The following NRXN1 variants were observed in gnomAD, a reference collection of about 807,000 sequenced individuals.
NRXN1 encodes neurexin-1.
NRXN1 carries 39 observed loss-of-function variants against 150.9 expected under a neutral mutation model. The observed-to-expected ratio is 0.26, with a 90% CI of 0.20 to 0.34. The LOEUF (loss-of-function observed/expected upper bound fraction) is 0.34. NRXN1 is among the 10% of genes least tolerant of loss of function. The pLI is 1.00. For missense variants in NRXN1, 1,815 were observed against 1,949.9 expected (o/e 0.93, Z 1.30); for synonymous variants, 924 against 757.0 (o/e 1.22, Z -3.62).
intron 17 of NRXN1, among the ~76,000 whole-genome samples, chr2:50,310,472 A>G (rs925948911): frequency 6.6e-6 from 1 of 152,152 alleles, no homozygotes; most frequent in African/African-American, 2.4e-5. Flanking sequence ...CTACTTTGTG[A>G]AGTGATATTT....
At chr2:50,090,480 T>C (rs1343981629) in intron 19 of NRXN1, among the ~76,000 whole-genome samples, 1 of 152,128 alleles carries the variant, frequency 6.6e-6, no homozygotes, top group South Asian at 2.1e-4. Flanking sequence ...GACTGATGCT[T>C]TTAGTAATAG....
chr2:50,697,171 G>A (rs1018741890), intron 5 of NRXN1, among the ~76,000 whole-genome samples: 1 of 152,102 alleles, frequency 6.6e-6, no homozygotes, highest in African/African-American at 2.4e-5. Flanking sequence ...ACTTTACAGG[G>A]AATATTTTGC....
At chr2:50,079,899 G>C (rs149004516) in intron 19 of NRXN1, among the ~76,000 whole-genome samples, 1 of 152,176 alleles carries the variant, frequency 6.6e-6, no homozygotes, top group African/African-American at 2.4e-5. Context: ...TTATTCTACA[G>C]TTTCAGTTAC....
chr2:50,145,715 T>C (rs1707919654), intron 18 of NRXN1, among the ~76,000 whole-genome samples: 1 of 151,818 alleles, frequency 6.6e-6, no homozygotes, highest in Middle Eastern at 3.4e-3. Context: ...TTTCCTTTAA[T>C]ACATCTTGGA....
intron 18 of NRXN1, among the ~76,000 whole-genome samples, chr2:50,149,502 T>A (rs2058574695): frequency 6.6e-6 from 1 of 151,730 alleles, no homozygotes; most frequent in African/African-American, 2.4e-5. Context: ...CTAGTGTCAA[T>A]GTGACTATGA....
chr2:49,980,728 T>G (rs1679856874), intron 21 of NRXN1, among the ~76,000 whole-genome samples: 1 of 152,162 alleles, frequency 6.6e-6, no homozygotes, highest in South Asian at 2.1e-4. Context: ...CTACCTCCAC[T>G]GCTGCAATTA....
intron 8 of NRXN1, among the ~76,000 whole-genome samples, chr2:50,578,994 A>G (rs191635649): frequency 3.8e-4 from 58 of 152,200 alleles, no homozygotes; most frequent in African/African-American, 1.3e-3. Flanking sequence ...TGCAGCACAC[A>G]TTTCATTTTC....
chr2:50,293,326 A>C (rs2073169432), intron 17 of NRXN1, among the ~76,000 whole-genome samples: 1 of 152,032 alleles, frequency 6.6e-6, no homozygotes, highest in Non-Finnish European at 1.5e-5. Context: ...TTCTCGGCCC[A>C]AAGTGCCTTT....
chr2:50,547,957 A>G (rs1037372507), intron 9 of NRXN1, among the ~76,000 whole-genome samples: 2 of 152,180 alleles, frequency 1.3e-5, no homozygotes, highest in Non-Finnish European at 2.9e-5. Flanking sequence ...GAAGGAACAT[A>G]TGTTAGAAAT....
At chr2:50,897,451 A>C (rs554141442) in intron 5 of NRXN1, among the ~76,000 whole-genome samples, 8 of 152,318 alleles carry the variant, frequency 5.3e-5, no homozygotes, top group African/African-American at 1.9e-4. Context: ...TACTATGTGC[A>C]AGGGATTATT....
At chr2:50,662,361 C>G (rs1687419830) in intron 5 of NRXN1, among the ~76,000 whole-genome samples, 1 of 152,080 alleles carries the variant, frequency 6.6e-6, no homozygotes, top group East Asian at 2.0e-4. Context: ...ACTTTCCTAT[C>G]TTCAAATTCT....
rs559931352 is a variant in NRXN1 at position 50,287,103 on chromosome 2, CT to C, written c.3365-50134del. ...TACTTCCCTACATGACTTAACTGAG[CT>C]TAATATTTTTTCAACAAGTATATAA... On this transcript the variant is annotated intron_variant, in intron 17 of 22. Transcript: ENST00000401669. Among the ~76,000 whole-genome samples the C allele has an allele frequency of 5.9e-5, 9 of 152,130 alleles. 2 individuals carry two copies. In the South Asian group the frequency reaches 1.9e-3, roughly 31 times the overall value.
intron 17 of NRXN1, among the ~76,000 whole-genome samples, chr2:50,451,401 T>C (rs1157251121): frequency 6.6e-6 from 1 of 152,328 alleles, no homozygotes; most frequent in Non-Finnish European, 1.5e-5. Context: ...GTCTGCTCAT[T>C]CACTGAACGA....
chr2:50,156,099 C>G (rs1558991655), intron 18 of NRXN1, among the ~76,000 whole-genome samples: 3 of 151,550 alleles, frequency 2.0e-5, no homozygotes, highest in African/African-American at 7.3e-5. Flanking sequence ...CTTTGCTTCT[C>G]TTTGTATTCT....
chr2:50,418,301 T>A lies in NRXN1; in HGVS notation c.3364+47141A>T, dbSNP rs530106549. 9.9e-5 allele frequency among the ~76,000 whole-genome samples: 15 copies of A among 152,094 alleles called. No individual in the cohort carries two copies. In the South Asian group the frequency reaches 1.0e-3, roughly 11 times the overall value. ...TTCACCAAGAATGAATGTGCAACTA[T>A]CCCAACAAGTTTCACCAAGTATAAA... On this transcript the variant is annotated intron_variant, in intron 17 of 22. Coordinates refer to ENST00000401669, the MANE Select transcript of NRXN1 (RefSeq NM_001330078.2).
At chr2:50,108,852 T>G (rs1702009439) in intron 18 of NRXN1, among the ~76,000 whole-genome samples, 1 of 152,030 alleles carries the variant, frequency 6.6e-6, no homozygotes, top group African/African-American at 2.4e-5. Flanking sequence ...AAAATAACAG[T>G]TTAAATTATT....
intron 5 of NRXN1, among the ~76,000 whole-genome samples, chr2:50,881,154 G>T (rs1287972043): frequency 6.6e-6 from 1 of 151,922 alleles, no homozygotes. Flanking sequence ...GATGTGCAAT[G>T]TAAGAGTCCT....
chr2:50,975,763 T>C (rs987819629), intron 2 of NRXN1, among the ~76,000 whole-genome samples: 7 of 152,046 alleles, frequency 4.6e-5, no homozygotes, highest in Non-Finnish European at 8.8e-5. Context: ...TAACCTTTCA[T>C]AGGCCTGAGG....
chr2:50,802,685 A>G (rs1559284621), intron 5 of NRXN1, among the ~76,000 whole-genome samples: 1 of 152,112 alleles, frequency 6.6e-6, no homozygotes, highest in Non-Finnish European at 1.5e-5. Context: ...GGGTCTTTTT[A>G]GAGGTAAAAT....
Sources: gnomAD v4.1 joint callset for allele counts (sites outside exome capture counted in the v4.1 genomes callset) on GRCh38, gnomAD v4.1.1 for gene constraint, MANE v1.5 for transcripts, NCBI Gene and HGNC (gene_info 2026-07-23, HGNC 2026-07-21) for gene names.